The following USP2 variants were observed in gnomAD, a reference collection of about 807,000 sequenced individuals.
USP2 encodes the protein ubiquitin specific peptidase 2, also known as ubiquitin carboxyl-terminal hydrolase 2.
Under a neutral mutation model 72.0 loss-of-function variants are expected in USP2, and 33 were observed. The observed-to-expected ratio is 0.46, with a 90% CI of 0.35 to 0.61. The LOEUF (loss-of-function observed/expected upper bound fraction) is 0.61, where lower values mean the gene tolerates loss of function less well. Among genes scored for constraint, USP2 ranks in the 20% least tolerant of loss-of-function variants. USP2 has a pLI of 0.01. For synonymous variants in USP2, 296 were observed against 312.5 expected (o/e 0.95, Z 0.56); for missense variants, 691 against 797.8 (o/e 0.87, Z 1.61).
chr11:119,358,961 G>C, intron 6 of USP2, 63 bp downstream of exon 6: 3 of 1,583,524 alleles, frequency 1.9e-6, no homozygotes, highest in Non-Finnish European at 2.6e-6. Context: ...ACCCCAAAGT[G>C]GTGGGTAAAA....
chr11:119,365,971 T>A (rs1950847533), intron 2 of USP2, among the ~76,000 whole-genome samples: 1 of 151,704 alleles, frequency 6.6e-6, no homozygotes, highest in South Asian at 2.1e-4. Context: ...CTCGGCTCAC[T>A]GCAACCTCTG....
At chr11:119,370,132 AC>A (rs1308980491) in intron 2 of USP2, among the ~76,000 whole-genome samples, 7 of 152,120 alleles carry the variant, frequency 4.6e-5, no homozygotes, top group African/African-American at 1.7e-4. Context: ...CCGAGATCGC[AC>A]CACTGCACTC....
At chr11:119,380,164 C>T (rs656439) in intron 1 of USP2, among the ~76,000 whole-genome samples, 131,901 of 151,646 alleles carry the variant, frequency 0.87, 57,382 homozygotes, top group East Asian at 0.91. Context: ...ATCCGCCCGC[C>T]TTGGCCTCCC....
chr11:119,363,436 G>A (rs1204763479), intron 2 of USP2, among the ~76,000 whole-genome samples: 1 of 152,198 alleles, frequency 6.6e-6, no homozygotes, highest in African/African-American at 2.4e-5. Flanking sequence ...AGGGGAGGCG[G>A]CCCCTTTCTG....
At position 119,356,769 on chromosome 11, in the gene USP2, G is replaced by A. The variant is rs1301517063; in HGVS notation, c.*66C>T. 2.4e-5 allele frequency: 34 copies of A among 1,424,220 alleles called. No homozygotes were observed. The highest frequency in any genetic ancestry group is 3.1e-5 in the Non-Finnish European group (33 of 1,060,074). The allele number at this position is 1,424,220 out of a possible 1,614,324, so 88.2% of individuals were successfully genotyped here. On this transcript the variant is annotated 3_prime_UTR_variant, in exon 13 of 13. Coordinates refer to ENST00000260187, the MANE Select transcript of USP2 (RefSeq NM_004205.5). ...GTGTTGTTGTTGTTGTTTTGTTTTT[G>A]TCTTTTTAAAAAATTTAGGGAGCGG...
chr11:119,371,851 A>G (rs562716794), intron 2 of USP2, among the ~76,000 whole-genome samples: 5 of 152,284 alleles, frequency 3.3e-5, no homozygotes, highest in East Asian at 3.9e-4. Flanking sequence ...CATCCCTGCA[A>G]TCAGCAGGTC....
rs774687518 is a variant in USP2, at chr11:119,373,151, G to GC, written c.329dup (p.Ser111GlnfsTer21). ...TGGTCACTCCATAAGGGAATCCGCT[G>GC]CCCCCGCTGAGGCCACTGCCTAAAG... On this transcript the variant is annotated frameshift_variant, in exon 2 of 13. Coordinates refer to ENST00000260187, the MANE Select transcript of USP2 (RefSeq NM_004205.5). LOFTEE classifies it high-confidence loss of function. The GC allele has an allele frequency of 6.2e-7, 1 of 1,614,134 alleles. No homozygotes were observed. The highest frequency in any genetic ancestry group is 1.1e-5 in the South Asian group (1 of 91,082).
At chr11:119,359,158 A>C in intron 5 of USP2, 24 bp from the exon 6 acceptor site, 1 of 1,613,242 alleles carries the variant, frequency 6.2e-7, no homozygotes, top group Non-Finnish European at 8.5e-7. Context: ...AAGGAGGGTG[A>C]GCAACACCTC....
chr11:119,378,926 C>T, intron 1 of USP2: 1 of 972,572 alleles, frequency 1.0e-6, no homozygotes. Context: ...TGGCCTCTCA[C>T]ATGCTCTCCC....
At chr11:119,365,331 T>C (rs1950837418) in intron 2 of USP2, among the ~76,000 whole-genome samples, 1 of 151,914 alleles carries the variant, frequency 6.6e-6, no homozygotes, top group South Asian at 2.1e-4. Context: ...AAGCAGCAAT[T>C]TCATGCTAAT....
intron 1 of USP2, among the ~76,000 whole-genome samples, chr11:119,381,166 G>T (rs1247958688): frequency 6.6e-6 from 1 of 152,150 alleles, no homozygotes; most frequent in Admixed American, 6.5e-5. Flanking sequence ...GAGGGGGTTT[G>T]TCAGTGTCGC....
At chr11:119,369,078 T>A (rs112952165) in intron 2 of USP2, among the ~76,000 whole-genome samples, 3 of 152,314 alleles carry the variant, frequency 2.0e-5, no homozygotes, top group African/African-American at 7.2e-5. Flanking sequence ...CTGAGCCACC[T>A]GAGCTGGCTT....
At chr11:119,357,007 C>T (rs1382616448) in intron 12 of USP2, 85 bp from the exon 13 acceptor site, 21 of 1,501,610 alleles carry the variant, frequency 1.4e-5, no homozygotes, top group Non-Finnish European at 1.5e-5. Context: ...CGAGGCCGGC[C>T]GGCCTGCCTT....
At chr11:119,378,854 C>T (rs1366123253) in intron 1 of USP2, among the ~76,000 whole-genome samples, 1 of 152,210 alleles carries the variant, frequency 6.6e-6, no homozygotes, top group Non-Finnish European at 1.5e-5. Context: ...CATCTTTCCT[C>T]TGTTCTCAGC....
intron 1 of USP2, among the ~76,000 whole-genome samples, chr11:119,380,178 G>A (rs1326736321): frequency 1.3e-5 from 2 of 151,986 alleles, no homozygotes; most frequent in Non-Finnish European, 2.9e-5. Context: ...GCCTCCCAAA[G>A]TGCTGGGATT....
At chr11:119,367,398 AGCTTAGGCCAGG>A (rs1249051286) in intron 2 of USP2, among the ~76,000 whole-genome samples, 3 of 152,366 alleles carry the variant, frequency 2.0e-5, no homozygotes, top group African/African-American at 7.2e-5. Context: ...CTGCGTGGGC[AGCTTAGGCCAGG>A]GTTTGGTGAC....
At position 119,373,038 on chromosome 11, in the gene USP2, C is replaced by T. The variant is rs147722450; in HGVS notation, c.443G>A (p.Arg148Gln). 578 of 1,613,884 alleles carry T rather than the reference C, an allele frequency of 3.6e-4. 2 individuals are homozygous for T. The highest frequency in any genetic ancestry group is 1.6e-3 in the East Asian group (72 of 44,888). ...TGAGGTCCGGAGGCTGGAGAAATCC[C>T]GGGCCAGGTCTGATTGGCTGTCCAG... Reference protein sequence around the residue: ...QKLDSQSDLARDFSSLRTSDS... With the variant: ...QKLDSQSDLAQDFSSLRTSDS... The change falls in exon 2 of 13, where the codon CGG (arginine) becomes CAG (glutamine). Residue 148 changes from arginine (R) to glutamine (Q), a missense_variant. By Grantham distance (43) the Arg-to-Gln change is conservative. Coordinates refer to ENST00000260187, the MANE Select transcript of USP2 (RefSeq NM_004205.5).
intron 2 of USP2, among the ~76,000 whole-genome samples, chr11:119,361,988 C>T (rs78630472): frequency 0.018 from 2,675 of 152,290 alleles, 90 homozygotes; most frequent in African/African-American, 0.061. Context: ...CTCCATGTTG[C>T]GCACTCGGAA....
chr11:119,364,279 C>CA lies in USP2; in HGVS notation c.775-4046dup, dbSNP rs1491266868. The CA allele has an allele frequency of 4.0e-6, 3 of 753,492 alleles. No individual in the cohort carries two copies. In the African/African-American group the frequency reaches 5.6e-5, roughly 14 times the overall value. 46.7% of individuals were successfully genotyped at this position (753,492 alleles called of 1,614,324 possible). ...CGGGGCCAGGCCCTAAGCCCCGCCC[C>CA]ACCTCGCCTCTACCCCGCCCCCGGC... On this transcript the variant is annotated intron_variant, in intron 2 of 12. Transcript: ENST00000260187.
Sources: gnomAD v4.1 joint callset for allele counts (sites outside exome capture counted in the v4.1 genomes callset) on GRCh38, gnomAD v4.1.1 for gene constraint, MANE v1.5 for transcripts, NCBI Gene and HGNC (gene_info 2026-07-23, HGNC 2026-07-21) for gene names.